The following SAMD12 variants were observed in gnomAD, a reference collection of about 807,000 sequenced individuals.
SAMD12 encodes the protein sterile alpha motif domain-containing protein 12.
A neutral mutation model predicts 15.0 loss-of-function variants in SAMD12; 9 were observed. That is an observed-to-expected ratio of 0.60 (90% CI 0.36 to 1.05). SAMD12 has a LOEUF of 1.05. Ranked by LOEUF, SAMD12 falls within the 50% of genes least tolerant of loss-of-function variation. SAMD12 has a pLI of 0.01. For synonymous variants in SAMD12, 86 were observed against 90.1 expected (o/e 0.96, Z 0.25); for missense variants, 230 against 234.2 (o/e 0.98, Z 0.12).
intron 3 of SAMD12, among the ~76,000 whole-genome samples, chr8:118,385,566 T>C (rs1239748264): frequency 6.6e-6 from 1 of 152,192 alleles, no homozygotes; most frequent in Non-Finnish European, 1.5e-5. Context: ...TACATGTATA[T>C]GTATATGTGT....
At chr8:118,555,305 T>C (rs1826494252) in intron 2 of SAMD12, among the ~76,000 whole-genome samples, 1 of 152,232 alleles carries the variant, frequency 6.6e-6, no homozygotes, top group African/African-American at 2.4e-5. Context: ...TTTAAATCGC[T>C]AATAAAACAA....
At position 118,363,093 on chromosome 8, in the gene SAMD12, C is replaced by T. The variant is rs573904235; in HGVS notation, c.433+16467G>A. Reference sequence around the variant, plus strand: ...TCTCAAGTGTTAATTTCTTTAAGTGCATCTTGAGTTTCTTGCAAAAGAAAA... The same window carrying T: ...TCTCAAGTGTTAATTTCTTTAAGTGTATCTTGAGTTTCTTGCAAAAGAAAA... On this transcript the variant is annotated intron_variant, in intron 4 of 4. Transcript: ENST00000409003. 4.6e-5 allele frequency among the ~76,000 whole-genome samples: 7 copies of T among 152,266 alleles called. No individual in the cohort carries two copies. The East Asian group carries it at 1.3e-3, about 29-fold the overall frequency.
intron 4 of SAMD12, among the ~76,000 whole-genome samples, chr8:118,364,121 T>C (rs1818643733): frequency 7.0e-6 from 1 of 143,688 alleles, no homozygotes; most frequent in African/African-American, 2.5e-5. Context: ...ACTATCTTTC[T>C]TTCTCTTCTT....
chr8:118,278,720 T>A (rs1813531877), intron 4 of SAMD12, among the ~76,000 whole-genome samples: 1 of 152,184 alleles, frequency 6.6e-6, no homozygotes, highest in Non-Finnish European at 1.5e-5. Flanking sequence ...TTTGCATGAC[T>A]AAAATTAAAG....
the SAMD12 span, among the ~76,000 whole-genome samples, chr8:118,162,191 T>C: frequency 6.8e-6 from 1 of 146,832 alleles, no homozygotes; most frequent in Non-Finnish European, 1.5e-5. Flanking sequence ...AGAAAGCAAA[T>C]AGTTGCTTGG....
At chr8:118,354,047 C>T (rs1314610873) in intron 4 of SAMD12, among the ~76,000 whole-genome samples, 2 of 152,218 alleles carry the variant, frequency 1.3e-5, no homozygotes, top group Non-Finnish European at 2.9e-5. Flanking sequence ...TAGGCCTCTG[C>T]CTTGCTTGTT....
intron 4 of SAMD12, among the ~76,000 whole-genome samples, chr8:118,363,453 C>T (rs1461382962): frequency 6.6e-6 from 1 of 152,168 alleles, no homozygotes; most frequent in African/African-American, 2.4e-5. Flanking sequence ...ACTCCTTTTG[C>T]CTGACTGCCT....
intron 4 of SAMD12, among the ~76,000 whole-genome samples, chr8:118,302,414 C>G (rs1273551560): frequency 6.6e-6 from 1 of 151,948 alleles, no homozygotes; most frequent in East Asian, 1.9e-4. Flanking sequence ...AAAACAAGAC[C>G]AGGATATTTA....
chr8:118,372,087 C>G (rs1186416021), intron 4 of SAMD12, among the ~76,000 whole-genome samples: 1 of 152,076 alleles, frequency 6.6e-6, no homozygotes, highest in East Asian at 1.9e-4. Context: ...ATGAAAGAGC[C>G]TGGAAATTCA....
At chr8:118,171,116 C>T in the SAMD12 span, among the ~76,000 whole-genome samples, 8 of 152,190 alleles carry the variant, frequency 5.3e-5, no homozygotes, top group Non-Finnish European at 8.8e-5. Context: ...ACTAAAATCA[C>T]GTTGAGATAC....
chr8:118,514,408 C>T (rs1825172813), intron 2 of SAMD12, among the ~76,000 whole-genome samples: 1 of 152,204 alleles, frequency 6.6e-6, no homozygotes, highest in Non-Finnish European at 1.5e-5. Flanking sequence ...TTTCATATTC[C>T]CACTTCCATT....
intron 3 of SAMD12, among the ~76,000 whole-genome samples, chr8:118,436,482 CTT>C (rs1015443478): frequency 6.6e-6 from 1 of 152,122 alleles, no homozygotes; most frequent in Non-Finnish European, 1.5e-5. Context: ...TAATATATGT[CTT>C]TTTTATTTAC....
rs187258032 is a variant in SAMD12, at chr8:118,340,200, C to T, written c.433+39360G>A. ...GTTAAAAGATACACAAATATACACC[C>T]AAAAGAAAAACACAAAAGCTGAGCT... is the stretch of plus-strand genomic sequence containing the variant. On this transcript the variant is annotated intron_variant, in intron 4 of 4. Coordinates refer to the SAMD12 transcript ENST00000409003. 2.6e-5 allele frequency among the ~76,000 whole-genome samples: 4 copies of T among 152,204 alleles called. No homozygotes were observed. The East Asian group carries it at 7.7e-4, about 29-fold the overall frequency.
intron 2 of SAMD12, among the ~76,000 whole-genome samples, chr8:118,552,680 C>T (rs189452349): frequency 1.3e-5 from 2 of 151,996 alleles, no homozygotes; most frequent in Non-Finnish European, 2.9e-5. Context: ...GTTCTGGCCA[C>T]GGCAATTAGG....
chr8:118,554,031 C>G (rs1417726491), intron 2 of SAMD12, among the ~76,000 whole-genome samples: 2 of 152,068 alleles, frequency 1.3e-5, no homozygotes, highest in Non-Finnish European at 1.5e-5. Flanking sequence ...AGTCAGGAAA[C>G]AACAGGTGCT....
chr8:118,263,733 T>A (rs1207415750), intron 4 of SAMD12, among the ~76,000 whole-genome samples: 1 of 152,104 alleles, frequency 6.6e-6, no homozygotes, highest in Non-Finnish European at 1.5e-5. Context: ...GAATTGTATA[T>A]GTAAGTGCCC....
intron 2 of SAMD12, among the ~76,000 whole-genome samples, chr8:118,547,339 C>CT (rs929474270): frequency 5.0e-4 from 76 of 151,176 alleles, no homozygotes; most frequent in African/African-American, 1.7e-3. Flanking sequence ...TTCAGTGAGG[C>CT]TTTTTTTTTG....
intron 2 of SAMD12, among the ~76,000 whole-genome samples, chr8:118,493,477 G>A (rs1824506226): frequency 6.6e-6 from 1 of 152,112 alleles, no homozygotes; most frequent in Non-Finnish European, 1.5e-5. Context: ...TCTCCTTATA[G>A]CTGTGATAGG....
intron 2 of SAMD12, among the ~76,000 whole-genome samples, chr8:118,538,393 T>G (rs751288208): frequency 6.6e-6 from 1 of 152,200 alleles, no homozygotes; most frequent in African/African-American, 2.4e-5. Context: ...CCAGAGCCCT[T>G]TAGCTTACAG....
Sources: gnomAD v4.1 joint callset for allele counts (sites outside exome capture counted in the v4.1 genomes callset) on GRCh38, gnomAD v4.1.1 for gene constraint, MANE v1.5 for transcripts, NCBI Gene and HGNC (gene_info 2026-07-23, HGNC 2026-07-21) for gene names.